Variants in UCHL3 observed in about 807,000 individuals in gnomAD.
The protein encoded by UCHL3 is ubiquitin C-terminal hydrolase L3.
UCHL3 carries 22 observed loss-of-function variants against 35.8 expected under a neutral mutation model. That is an observed-to-expected ratio of 0.61 (90% CI 0.44 to 0.88). The LOEUF is 0.88. Ranked by LOEUF, UCHL3 falls within the 40% of genes least tolerant of loss-of-function variation. The pLI is 0.00. For synonymous variants in UCHL3, 90 were observed against 92.8 expected (o/e 0.97, Z 0.17); for missense variants, 229 against 276.9 (o/e 0.83, Z 1.23).
intron 6 of UCHL3, among the ~76,000 whole-genome samples, chr13:75,585,910 T>C (rs1169986398): frequency 1.3e-5 from 2 of 151,538 alleles, no homozygotes; most frequent in African/African-American, 4.8e-5. Flanking sequence ...ACAGATAAAA[T>C]AGAATAATAA....
intron 6 of UCHL3, among the ~76,000 whole-genome samples, chr13:75,569,710 C>T (rs1351990055): frequency 6.6e-6 from 1 of 152,198 alleles, no homozygotes; most frequent in African/African-American, 2.4e-5. Flanking sequence ...TGTTAAGATG[C>T]TGCTGTCTGC....
intron 7 of UCHL3, among the ~76,000 whole-genome samples, chr13:75,602,572 A>G (rs546709062): frequency 6.6e-6 from 1 of 152,344 alleles, no homozygotes; most frequent in Admixed American, 6.5e-5. Flanking sequence ...TACTGAAATT[A>G]CACGCAAAGT....
chr13:75,576,926 C>T (rs375660336), intron 6 of UCHL3, among the ~76,000 whole-genome samples: 11 of 152,082 alleles, frequency 7.2e-5, no homozygotes, highest in African/African-American at 2.7e-4. Context: ...TGGTGGGTTC[C>T]TTACTTGTGG....
intron 2 of UCHL3, among the ~76,000 whole-genome samples, chr13:75,560,525 T>C (rs1435434032): frequency 6.6e-6 from 1 of 152,196 alleles, no homozygotes; most frequent in African/African-American, 2.4e-5. Context: ...GAAGTATAAT[T>C]GACAAAAATT....
At chr13:75,560,724 G>GTT (rs8192742) in intron 2 of UCHL3, 29 bp from the exon 3 acceptor site, 26 of 1,412,428 alleles carry the variant, frequency 1.8e-5, no homozygotes, top group East Asian at 7.7e-5. Context: ...ATGTTCCATT[G>GTT]TTTTTTTTTT....
At chr13:75,554,449 A>G (rs1327559191) in intron 2 of UCHL3, among the ~76,000 whole-genome samples, 1 of 152,182 alleles carries the variant, frequency 6.6e-6, no homozygotes, top group Non-Finnish European at 1.5e-5. Flanking sequence ...TCTATTTCTC[A>G]TTCCTCAGAT....
intron 2 of UCHL3, among the ~76,000 whole-genome samples, chr13:75,559,185 G>T (rs973199752): frequency 2.0e-5 from 3 of 151,932 alleles, no homozygotes; most frequent in Non-Finnish European, 4.4e-5. Context: ...GAATACAGGC[G>T]CCAGCCACCA....
chr13:75,593,389 TCA>T, intron 6 of UCHL3, among the ~76,000 whole-genome samples: 1 of 152,316 alleles, frequency 6.6e-6, no homozygotes, highest in Middle Eastern at 3.4e-3. Context: ...GAACTCATTA[TCA>T]CTGTCTTCAC....
chr13:75,567,175 G>T (rs1334175697), intron 4 of UCHL3, 52 bp from the exon 5 acceptor site: 28 of 1,491,652 alleles, frequency 1.9e-5, no homozygotes, highest in Admixed American at 3.5e-5. Context: ...TCATATATTG[G>T]TCTCTCTGCT....
intron 6 of UCHL3, among the ~76,000 whole-genome samples, chr13:75,587,652 G>A (rs2032363218): frequency 6.6e-6 from 1 of 152,112 alleles, no homozygotes; most frequent in Admixed American, 6.6e-5. Context: ...TCAAATCTGG[G>A]TGTTTCCTGT....
chr13:75,561,559 G>C lies in UCHL3; in HGVS notation c.183+678G>C, dbSNP rs116414219. On this transcript the variant is annotated intron_variant, in intron 3 of 8. Coordinates refer to ENST00000377595, the MANE Select transcript of UCHL3 (RefSeq NM_006002.5). The stretch of plus-strand genomic sequence containing the variant: ...TTTTTTCAATATATATATATATAAG[G>C]AATCTTCTTTGCTTATTTTAAGTTG... Among the ~76,000 whole-genome samples, 1,014 of 150,578 alleles carry C rather than the reference G, an allele frequency of 6.7e-3. 9 individuals are homozygous for C. Among genetic ancestry groups the C allele is most frequent in the African/African-American group, 0.023 (920 of 40,556 alleles).
Position 75,569,501 on chromosome 13 carries a change from G to A in UCHL3, c.468G>A (p.Gln156=). ...VTHETSAHEG[Q]TEAPSIDEKV... is the part of the protein sequence containing the mutation. ...ATGAGACCAGTGCCCATGAAGGTCA[G>A]ACTGAGGTATTTCACATTTTTTCTA... Residue 156 remains glutamine, a synonymous_variant, in exon 6 of 9, where the codon CAG becomes CAA. Transcript: ENST00000377595. 6.2e-7 allele frequency: 1 copy of A among 1,609,116 alleles called. No individual in the cohort carries two copies. The highest frequency in any genetic ancestry group is 8.5e-7 in the Non-Finnish European group (1 of 1,178,258).
intron 2 of UCHL3, among the ~76,000 whole-genome samples, chr13:75,556,249 A>G (rs986567217): frequency 1.3e-5 from 2 of 152,150 alleles, no homozygotes; most frequent in African/African-American, 4.8e-5. Flanking sequence ...CCACACATAA[A>G]GTGTTTTCAG....
In UCHL3 at chr13:75,560,752, G is replaced by A. The variant is rs1343775144; in HGVS notation, c.55-1G>A. The A allele has an allele frequency of 3.8e-6, 6 of 1,589,290 alleles. No homozygotes were observed. Among genetic ancestry groups the A allele is most frequent in the Non-Finnish European group, 5.1e-6 (6 of 1,172,324 alleles). ...TTTTTTTTCTTTCTTTCTTTTACCA[G>A]TTTCTTAAACAATTAGGTCTACATC... On this transcript the variant is annotated splice_acceptor_variant, in intron 2 of 8. Transcript: ENST00000377595. LOFTEE classifies it high-confidence loss of function.
intron 3 of UCHL3, among the ~76,000 whole-genome samples, chr13:75,564,961 G>T (rs969599808): frequency 6.6e-6 from 1 of 152,182 alleles, no homozygotes; most frequent in Non-Finnish European, 1.5e-5. Context: ...CTCCCAAAGT[G>T]CTGGGATTAC....
chr13:75,595,271 C>A (rs2032614249), intron 7 of UCHL3, among the ~76,000 whole-genome samples: 1 of 152,182 alleles, frequency 6.6e-6, no homozygotes, highest in African/African-American at 2.4e-5. Flanking sequence ...TCAAATCTCT[C>A]TGGCAATCAT....
chr13:75,555,743 A>G (rs1411409951), intron 2 of UCHL3, among the ~76,000 whole-genome samples: 2 of 152,096 alleles, frequency 1.3e-5, no homozygotes, highest in African/African-American at 4.8e-5. Context: ...CTCTTTAAAA[A>G]ACTCTTTAAA....
At chr13:75,570,460 T>G (rs957643892) in intron 6 of UCHL3, among the ~76,000 whole-genome samples, 1 of 152,090 alleles carries the variant, frequency 6.6e-6, no homozygotes, top group African/African-American at 2.4e-5. Context: ...ATGGTCTCGA[T>G]CTCCTGACCT....
chr13:75,564,776 A>G (rs1239183642), intron 3 of UCHL3, among the ~76,000 whole-genome samples: 1 of 152,050 alleles, frequency 6.6e-6, no homozygotes, highest in Non-Finnish European at 1.5e-5. Context: ...GCTCACTGCA[A>G]CCTTTGCCTC....
Sources: gnomAD v4.1 joint callset for allele counts (sites outside exome capture counted in the v4.1 genomes callset) on GRCh38, gnomAD v4.1.1 for gene constraint, MANE v1.5 for transcripts, NCBI Gene and HGNC (gene_info 2026-07-23, HGNC 2026-07-21) for gene names.